The following LRMDA variants were observed in gnomAD, a reference collection of about 807,000 sequenced individuals.
The protein encoded by LRMDA is leucine-rich melanocyte differentiation-associated protein.
A neutral mutation model predicts 29.8 loss-of-function variants in LRMDA; 18 were observed. That is an observed-to-expected ratio of 0.60 (90% confidence interval 0.42 to 0.90). The LOEUF (loss-of-function observed/expected upper bound fraction) is 0.90. LRMDA is among the 40% of genes least tolerant of loss of function. The pLI, the probability that LRMDA is intolerant of heterozygous loss-of-function variation, is 0.00. For missense variants in LRMDA, 273 were observed against 273.9 expected (o/e 1.00, Z 0.02); for synonymous variants, 125 against 109.4 (o/e 1.14, Z -0.89).
intron 2 of LRMDA, among the ~76,000 whole-genome samples, chr10:75,875,715 A>C (rs1478387729): frequency 6.6e-6 from 1 of 152,236 alleles, no homozygotes; most frequent in Non-Finnish European, 1.5e-5. Context: ...TACAGGCGTG[A>C]GCCACGGTGC....
chr10:75,585,159 C>T (rs1467851947), intron 2 of LRMDA, among the ~76,000 whole-genome samples: 1 of 152,226 alleles, frequency 6.6e-6, no homozygotes, highest in Non-Finnish European at 1.5e-5. Flanking sequence ...TGTACCCTTT[C>T]TCTCACCAAG....
At chr10:76,323,696 T>C (rs928232182) in intron 5 of LRMDA, among the ~76,000 whole-genome samples, 2 of 152,186 alleles carry the variant, frequency 1.3e-5, no homozygotes, top group Non-Finnish European at 2.9e-5. Flanking sequence ...CTTAGCAGCC[T>C]GGGCCATCTT....
intron 5 of LRMDA, among the ~76,000 whole-genome samples, chr10:76,222,522 G>T (rs1470852460): frequency 1.3e-5 from 2 of 152,164 alleles, no homozygotes; most frequent in African/African-American, 4.8e-5. Context: ...ATGAAAAAAT[G>T]CTCACCATCA....
chr10:76,001,661 A>T (rs1847565478), intron 2 of LRMDA, among the ~76,000 whole-genome samples: 1 of 151,588 alleles, frequency 6.6e-6, no homozygotes, highest in Admixed American at 6.6e-5. Flanking sequence ...TTAATGAAAC[A>T]TTTATTAATC....
chr10:75,847,430 T>A (rs568535712), intron 2 of LRMDA, among the ~76,000 whole-genome samples: 83 of 147,492 alleles, frequency 5.6e-4, no homozygotes, highest in Admixed American at 9.5e-4. Context: ...ATAGGAAAGC[T>A]TCAATGCAGT....
chr10:76,028,493 T>C (rs1279206844), intron 2 of LRMDA, among the ~76,000 whole-genome samples: 4 of 152,202 alleles, frequency 2.6e-5, no homozygotes, highest in East Asian at 3.8e-4. Context: ...AATTTCATCT[T>C]ATTGAGCTGA....
chr10:75,788,539 C>T (rs957346949), intron 2 of LRMDA, among the ~76,000 whole-genome samples: 1 of 152,234 alleles, frequency 6.6e-6, no homozygotes, highest in South Asian at 2.1e-4. Flanking sequence ...GTGCTAAAGC[C>T]AGCTCACCCT....
chr10:76,330,563 C>T (rs1244343899), intron 6 of LRMDA, among the ~76,000 whole-genome samples: 1 of 152,082 alleles, frequency 6.6e-6, no homozygotes, highest in East Asian at 1.9e-4. Flanking sequence ...TCGATGACCC[C>T]ACTTAGGGAA....
At chr10:75,975,445 C>T (rs552418010) in intron 2 of LRMDA, among the ~76,000 whole-genome samples, 3 of 152,352 alleles carry the variant, frequency 2.0e-5, no homozygotes, top group Non-Finnish European at 4.4e-5. Flanking sequence ...GGAATCGTCT[C>T]TGTGGAGTGA....
At chr10:75,661,599 G>A (rs1841754122) in intron 2 of LRMDA, among the ~76,000 whole-genome samples, 1 of 152,150 alleles carries the variant, frequency 6.6e-6, no homozygotes, top group Non-Finnish European at 1.5e-5. Context: ...CTCTATGAAT[G>A]TGAGATATAT....
At chr10:76,387,391 A>G (rs571073941) in intron 6 of LRMDA, among the ~76,000 whole-genome samples, 1 of 152,288 alleles carries the variant, frequency 6.6e-6, no homozygotes, top group African/African-American at 2.4e-5. Context: ...TCTTGAGCCC[A>G]GGAGTTTGAG....
intron 5 of LRMDA, among the ~76,000 whole-genome samples, chr10:76,224,615 T>G (rs1405124622): frequency 6.7e-6 from 1 of 149,974 alleles, no homozygotes; most frequent in African/African-American, 2.4e-5. Context: ...CTAGGTTAGA[T>G]TCAAAGCTGG....
intron 2 of LRMDA, among the ~76,000 whole-genome samples, chr10:75,609,882 T>C (rs1841006245): frequency 6.6e-6 from 1 of 152,130 alleles, no homozygotes. Context: ...TGTTAGACTT[T>C]ATTGGCCCAA....
chr10:76,309,437 C>T (rs377753142), intron 5 of LRMDA, among the ~76,000 whole-genome samples: 1 of 151,952 alleles, frequency 6.6e-6, no homozygotes, highest in African/African-American at 2.4e-5. Flanking sequence ...AGGAACAGTT[C>T]GAGGAAAGCC....
chr10:75,730,544 G>A (rs557329505), intron 2 of LRMDA, among the ~76,000 whole-genome samples: 2 of 152,286 alleles, frequency 1.3e-5, no homozygotes, highest in Non-Finnish European at 2.9e-5. Context: ...GCTGCAGTCT[G>A]GATGGATTGC....
chr10:75,884,276 T>TGTGG (rs1554831856), intron 2 of LRMDA, among the ~76,000 whole-genome samples: 7 of 97,988 alleles, frequency 7.1e-5, no homozygotes, highest in Non-Finnish European at 1.3e-4. Flanking sequence ...TGTGTGTGTG[T>TGTGG]GTGTGTGTGT....
chr10:75,879,109 C>T (rs1295026667), intron 2 of LRMDA, among the ~76,000 whole-genome samples: 1 of 152,160 alleles, frequency 6.6e-6, no homozygotes, highest in African/African-American at 2.4e-5. Flanking sequence ...TCTCACAATC[C>T]CCTGCCCACC....
At chr10:75,798,182 A>G (rs1843687607) in intron 2 of LRMDA, among the ~76,000 whole-genome samples, 1 of 152,070 alleles carries the variant, frequency 6.6e-6, no homozygotes, top group African/African-American at 2.4e-5. Flanking sequence ...ACTGAGTTAC[A>G]AGTGTTCCTT....
intron 2 of LRMDA, among the ~76,000 whole-genome samples, chr10:76,009,466 A>C (rs969359280): frequency 6.6e-6 from 1 of 152,212 alleles, no homozygotes; most frequent in African/African-American, 2.4e-5. Flanking sequence ...GCCCCTAAAA[A>C]AGAAGTGTTG....
Sources: gnomAD v4.1 joint callset for allele counts (sites outside exome capture counted in the v4.1 genomes callset) on GRCh38, gnomAD v4.1.1 for gene constraint, MANE v1.5 for transcripts, NCBI Gene and HGNC (gene_info 2026-07-23, HGNC 2026-07-21) for gene names.